CYFIP2: variants seen among roughly 807,000 people sequenced by gnomAD.
CYFIP2 encodes the protein cytoplasmic FMR1 interacting protein 2, also known as cytoplasmic FMR1-interacting protein 2.
A neutral mutation model predicts 158.7 loss-of-function variants in CYFIP2; 29 were observed. That is an observed-to-expected ratio of 0.18 (90% CI 0.14 to 0.25). The LOEUF (loss-of-function observed/expected upper bound fraction) is 0.25. CYFIP2 is among the 10% of genes least tolerant of loss of function. The pLI is 1.00. For missense variants in CYFIP2, 852 were observed against 1,639.5 expected (o/e 0.52, Z 8.29); for synonymous variants, 585 against 617.6 (o/e 0.95, Z 0.78).
chr5:157,391,598 G>A (rs1767295115), intron 30 of CYFIP2, among the ~76,000 whole-genome samples: 1 of 152,140 alleles, frequency 6.6e-6, no homozygotes, highest in South Asian at 2.1e-4. Context: ...CATCCATGTT[G>A]TAGTGTCCAA....
Position 157,393,689 on chromosome 5 carries a change from A to G in CYFIP2, c.*689A>G, listed in dbSNP as rs978234756. ...GGCCTGCTGTGGGGAAGCAGTATGT[A>G]TGAACACAGCCAGAAATGTCATAGT... On this transcript the variant is annotated 3_prime_UTR_variant, in exon 31 of 31. Coordinates refer to ENST00000620254, the MANE Select transcript of CYFIP2 (RefSeq NM_001037333.3). 6.6e-6 allele frequency: 1 copy of G among 152,296 alleles called. No individual in the cohort carries two copies. Among genetic ancestry groups the G allele is most frequent in the Non-Finnish European group, 1.5e-5 (1 of 68,102 alleles). The allele number at this position is 152,296 out of a possible 1,614,324, so 9.4% of individuals were successfully genotyped here.
At position 157,311,557 on chromosome 5, in the gene CYFIP2, AC is replaced by A. The variant is rs1554110997; in HGVS notation, c.993-104del. 2 of 916,682 alleles carry A rather than the reference AC, an allele frequency of 2.2e-6. No individual in the cohort carries two copies. Among genetic ancestry groups the A allele is most frequent in the Non-Finnish European group, 1.7e-6 (1 of 594,930 alleles). The allele number at this position is 916,682 out of a possible 1,614,324, so 56.8% of individuals were successfully genotyped here. ...GGCGGCTGGGATACCATTTGGTGTC[AC>A]CCAGGGGAGTTGGCCACGTGGGCTG... On this transcript the variant is annotated intron_variant, in intron 10 of 30. Transcript: ENST00000620254. This position sits in a 1 kb window ranked among gnomAD's most constrained non-coding sequence, Gnocchi z 4.7.
chr5:157,392,919 C>G lies in CYFIP2; in HGVS notation c.3681C>G (p.Ser1227=). The G allele has an allele frequency of 6.2e-7, 1 of 1,613,952 alleles. No homozygotes were observed. The highest frequency in any genetic ancestry group is 1.7e-5 in the Admixed American group (1 of 60,016). ...VFAILNKYMK[S]VETDSSTVEH... ...CCATCCTGAACAAATACATGAAGTC[C>G]GTGGAGACAGACAGTTCCACTGTGG... The change falls in exon 31 of 31, where the codon TCC becomes TCG. Residue 1227 remains serine (S), a synonymous_variant. Transcript: ENST00000620254.
intron 20 of CYFIP2, 36 bp from the exon 21 acceptor site, chr5:157,333,291 A>G: frequency 6.2e-7 from 1 of 1,612,774 alleles, no homozygotes; most frequent in Non-Finnish European, 8.5e-7. Context: ...GCCAGTGTGA[A>G]TTTTAAGTAA....
intron 26 of CYFIP2, among the ~76,000 whole-genome samples, chr5:157,366,711 C>T (rs147549737): frequency 8.7e-4 from 133 of 152,258 alleles, no homozygotes; most frequent in African/African-American, 2.8e-3. Flanking sequence ...TTATCTGAAA[C>T]AAATCAGCAT....
intron 1 of CYFIP2, among the ~76,000 whole-genome samples, chr5:157,273,622 C>T (rs1756293778): frequency 6.6e-6 from 1 of 152,010 alleles, no homozygotes; most frequent in African/African-American, 2.4e-5. Context: ...TCCTCCCCTG[C>T]TATCCCCGTT....
chr5:157,330,975 G>A (rs181389620), intron 20 of CYFIP2, 125 bp downstream of exon 20: 207 of 702,520 alleles, frequency 2.9e-4, no homozygotes, highest in Middle Eastern at 1.4e-3. Flanking sequence ...GTGGATTTCC[G>A]AGCCTGGGTG....
At position 157,390,230 on chromosome 5, in the gene CYFIP2, G is replaced by A. The variant is rs1361077406; in HGVS notation, c.3447-291G>A. 7.2e-5 allele frequency among the ~76,000 whole-genome samples: 11 copies of A among 152,110 alleles called. 1 individual carries two copies. The highest frequency in any genetic ancestry group is 6.5e-4 in the Admixed American group (10 of 15,288). ...TCAGCCACATACATCTCAACAGCTGGGTGGGTTTTTCCTTGCAAATTCAGA... is the reference window on the plus strand; with the variant it reads ...TCAGCCACATACATCTCAACAGCTGAGTGGGTTTTTCCTTGCAAATTCAGA... On this transcript the variant is annotated intron_variant, in intron 29 of 30. Coordinates refer to ENST00000620254, the MANE Select transcript of CYFIP2 (RefSeq NM_001037333.3).
intron 6 of CYFIP2, among the ~76,000 whole-genome samples, chr5:157,302,032 T>C (rs1758791480): frequency 6.6e-6 from 1 of 152,236 alleles, no homozygotes; most frequent in Non-Finnish European, 1.5e-5. Flanking sequence ...GTGACAACTT[T>C]ACAAAGTTTT....
chr5:157,379,797 C>T (rs1279873051), intron 26 of CYFIP2, among the ~76,000 whole-genome samples: 2 of 151,862 alleles, frequency 1.3e-5, no homozygotes, highest in East Asian at 1.9e-4. Context: ...CCAGCAGGTT[C>T]GCCTTGCCCA....
rs530217678 is a variant in CYFIP2 at position 157,315,316 on chromosome 5, A to G, written c.1356+222A>G. Reference sequence around the variant, plus strand: ...CAAAGAAAAACATCCATTCCACTGGAAAAAAAAACGGGCACAAAGAAACCA... The same window carrying G: ...CAAAGAAAAACATCCATTCCACTGGGAAAAAAAACGGGCACAAAGAAACCA... On this transcript the variant is annotated intron_variant, in intron 13 of 30. Coordinates refer to ENST00000620254, the MANE Select transcript of CYFIP2 (RefSeq NM_001037333.3). Among the ~76,000 whole-genome samples the G allele has an allele frequency of 7.6e-4, 91 of 119,178 alleles. No individual in the cohort carries two copies. The South Asian group carries it at 0.022, about 29-fold the overall frequency. The allele number at this position is 119,178 out of a possible 152,430, so 78.2% of individuals were successfully genotyped here.
intron 26 of CYFIP2, chr5:157,363,895 CT>C (rs1764087846): frequency 6.6e-6 from 1 of 152,134 alleles, no homozygotes; most frequent in Non-Finnish European, 1.5e-5. Flanking sequence ...GTCTTTGTGA[CT>C]TGGGATGAAC....
chr5:157,274,590 G>A (rs768221835), intron 1 of CYFIP2, among the ~76,000 whole-genome samples: 10 of 152,294 alleles, frequency 6.6e-5, no homozygotes, highest in African/African-American at 1.2e-4. Context: ...TGTATGCCTA[G>A]GAGTAGAATT....
chr5:157,352,989 G>A (rs1763171258), intron 23 of CYFIP2, among the ~76,000 whole-genome samples: 1 of 152,186 alleles, frequency 6.6e-6, no homozygotes, highest in African/African-American at 2.4e-5. Flanking sequence ...TAGCTGAAGA[G>A]ACGGGAAACA....
chr5:157,382,631 C>T lies in CYFIP2; in HGVS notation c.3081C>T (p.Phe1027=), dbSNP rs372902849. Residue 1027 remains phenylalanine, a synonymous_variant, in exon 27 of 31, where the codon TTC becomes TTT. Coordinates refer to ENST00000620254, the MANE Select transcript of CYFIP2 (RefSeq NM_001037333.3). ...GCGATTTGCTCCATGCCGCACCCTT[C>T]CAAAACATCTTGCCTAGAGTCTACA... The part of the protein sequence containing the change: ...EVCDLLHAAP[F]QNILPRVYIK... 1.4e-5 allele frequency: 23 copies of T among 1,613,896 alleles called. No individual in the cohort carries two copies. The African/African-American group carries it at 2.4e-4, about 17-fold the overall frequency.
chr5:157,360,284 C>G lies in CYFIP2; in HGVS notation c.2820C>G (p.Leu940=). 1.2e-6 allele frequency: 2 copies of G among 1,613,432 alleles called. No individual in the cohort carries two copies. Among genetic ancestry groups the G allele is most frequent in the Non-Finnish European group, 1.7e-6 (2 of 1,179,546 alleles). Residue 940 remains leucine, a splice_region_variant and synonymous_variant, in exon 25 of 31, where the codon CTC becomes CTG. Coordinates refer to ENST00000620254, the MANE Select transcript of CYFIP2 (RefSeq NM_001037333.3). ...CATCTGTACTCTTCTTTTGTCAGCTCCAAGGAACCATTCTCCAGTATGTGA... is the reference window on the plus strand; with the variant it reads ...CATCTGTACTCTTCTTTTGTCAGCTGCAAGGAACCATTCTCCAGTATGTGA... ...EELLKIVKSL[L]QGTILQYVKT...
At chr5:157,321,195 C>T (rs762207977) in intron 15 of CYFIP2, among the ~76,000 whole-genome samples, 1 of 152,122 alleles carries the variant, frequency 6.6e-6, no homozygotes, top group Non-Finnish European at 1.5e-5. Flanking sequence ...TCTATGCTGC[C>T]CCTCTTTAAT....
intron 8 of CYFIP2, 71 bp downstream of exon 8, chr5:157,304,437 G>A (rs941598040): frequency 3.8e-5 from 58 of 1,508,542 alleles, no homozygotes; most frequent in Middle Eastern, 1.8e-4. Context: ...TTAAAAATCC[G>A]TTTTAAAAAA....
At chr5:157,370,602 T>A (rs1764906242) in intron 26 of CYFIP2, among the ~76,000 whole-genome samples, 1 of 152,202 alleles carries the variant, frequency 6.6e-6, no homozygotes, top group Non-Finnish European at 1.5e-5. Context: ...ATTAAGGTTG[T>A]CAGAAAGATT....
Sources: gnomAD v4.1 joint callset for allele counts (sites outside exome capture counted in the v4.1 genomes callset) on GRCh38, gnomAD v4.1.1 for gene constraint, Gnocchi (gnomAD v3.1) non-coding constraint, MANE v1.5 for transcripts, NCBI Gene and HGNC (gene_info 2026-07-23, HGNC 2026-07-21) for gene names.